Variants in CARHSP1 observed in about 807,000 individuals in gnomAD.
CARHSP1 encodes the protein calcium-regulated heat-stable protein 1.
Under a neutral mutation model 12.5 loss-of-function variants are expected in CARHSP1, and 14 were observed. That is an observed-to-expected ratio of 1.12 (90% CI 0.74 to 1.75). CARHSP1 has a LOEUF of 1.75. Among genes scored for constraint, CARHSP1 ranks in the 40% most tolerant of loss-of-function variants. The probability of loss-of-function intolerance (pLI) is 0.00; values close to 1 mark genes in which losing one functional copy is unlikely to be tolerated. For synonymous variants in CARHSP1, 161 were observed against 82.0 expected (o/e 1.96, Z -5.20); for missense variants, 343 against 201.6 (o/e 1.70, Z -4.25).
At chr16:8,858,522 A>G (rs749344778) in intron 2 of CARHSP1, 50 bp from the exon 3 acceptor site, 3 of 1,599,322 alleles carry the variant, frequency 1.9e-6, no homozygotes, top group African/African-American at 2.7e-5. Flanking sequence ...TCCTGGGCAC[A>G]CAAAGCTCAT....
At chr16:8,861,404 C>T (rs1040861034) in intron 1 of CARHSP1, among the ~76,000 whole-genome samples, 1 of 151,792 alleles carries the variant, frequency 6.6e-6, no homozygotes, top group Non-Finnish European at 1.5e-5. Flanking sequence ...TCACAACCTT[C>T]AACCTCAGTT....
At chr16:8,862,120 A>G (rs200823600) in intron 1 of CARHSP1, among the ~76,000 whole-genome samples, 2 of 149,260 alleles carry the variant, frequency 1.3e-5, no homozygotes, top group East Asian at 4.0e-4. Context: ...CTCCTGCCTC[A>G]GCCTCCCAAG....
At chr16:8,857,263 G>GTTTTTTTTTTTTTTTTT (rs756390920) in intron 3 of CARHSP1, among the ~76,000 whole-genome samples, 12 of 57,032 alleles carry the variant, frequency 2.1e-4, no homozygotes, top group East Asian at 8.9e-4. Flanking sequence ...GGGCAGATCT[G>GTTTTTTTTTTTTTTTTT]TTTTTTTTTT....
At chr16:8,860,020 C>T (rs1387420681) in intron 1 of CARHSP1, 2 of 411,102 alleles carry the variant, frequency 4.9e-6, no homozygotes, top group Non-Finnish European at 6.6e-6. Context: ...TGCCAACCAC[C>T]TAGATCCAAA....
chr16:8,864,174 C>G (rs1366018421), intron 1 of CARHSP1, among the ~76,000 whole-genome samples: 1 of 152,214 alleles, frequency 6.6e-6, no homozygotes, highest in Non-Finnish European at 1.5e-5. Context: ...TATGTGTGTG[C>G]TGTGTATATA....
chr16:8,858,334 C>T lies in CARHSP1; in HGVS notation c.281+16G>A, dbSNP rs1305518100. The T allele has an allele frequency of 1.2e-6, 2 of 1,612,006 alleles. No homozygotes were observed. Among genetic ancestry groups the T allele is most frequent in the South Asian group, 1.1e-5 (1 of 90,990 alleles). On this transcript the variant is annotated intron_variant, in intron 3 of 3. Transcript: ENST00000311052. ...GCCCACCCCAGCCAGGCCACCCAGA[C>T]CTGCCGCTGACTCACTCAGAGATGT...
rs753833662 is a variant in CARHSP1, at chr16:8,858,472, C to T, written c.159G>A (p.Ala53=). The change falls in exon 3 of 4, where the codon GCG becomes GCA. Residue 53 remains alanine (A), a splice_region_variant and synonymous_variant. Transcript: ENST00000311052. ...LPTRRTRTFS[A]TVRASQGPVY... Reference sequence around the variant, plus strand: ...CGGGGCCCTGTGAAGCCCGCACCGTCCTGACAGAGAGGGGGAAATGTCAGG... The same window carrying T: ...CGGGGCCCTGTGAAGCCCGCACCGTTCTGACAGAGAGGGGGAAATGTCAGG... The T allele has an allele frequency of 1.9e-6, 3 of 1,613,524 alleles. No homozygotes were observed. Among genetic ancestry groups the T allele is most frequent in the Admixed American group, 1.7e-5 (1 of 59,986 alleles).
chr16:8,856,979 C>G (rs1234348983), intron 3 of CARHSP1, among the ~76,000 whole-genome samples: 1 of 152,178 alleles, frequency 6.6e-6, no homozygotes, highest in Non-Finnish European at 1.5e-5. Flanking sequence ...CCACCCCAAA[C>G]TTCCTTCCTG....
intron 3 of CARHSP1, among the ~76,000 whole-genome samples, chr16:8,856,723 T>C (rs1170467550): frequency 1.3e-5 from 2 of 152,168 alleles, no homozygotes; most frequent in Non-Finnish European, 2.9e-5. Context: ...AGAGTAGGAC[T>C]CTGTCTGCCC....
chr16:8,857,263 G>GTTTTTTGTGTTTTTTT (rs1315960023), intron 3 of CARHSP1, among the ~76,000 whole-genome samples: 1 of 57,006 alleles, frequency 1.8e-5, no homozygotes, highest in Admixed American at 1.7e-4. Flanking sequence ...GGGCAGATCT[G>GTTTTTTGTGTTTTTTT]TTTTTTTTTT....
chr16:8,866,177 C>T (rs1333465230), intron 1 of CARHSP1, among the ~76,000 whole-genome samples: 1 of 152,156 alleles, frequency 6.6e-6, no homozygotes, highest in Non-Finnish European at 1.5e-5. Context: ...TGGTCTCGAC[C>T]TCCCAGGCTC....
chr16:8,855,329 A>G lies in CARHSP1; in HGVS notation c.282-3T>C, dbSNP rs1464581278. 18 of 1,564,450 alleles carry G rather than the reference A, an allele frequency of 1.2e-5. No individual in the cohort carries two copies. Among genetic ancestry groups the G allele is most frequent in the East Asian group, 9.4e-5 (4 of 42,394 alleles). On this transcript the variant is annotated splice_region_variant and splice_polypyrimidine_tract_variant and intron_variant, in intron 3 of 3. Transcript: ENST00000311052. The stretch of plus-strand genomic sequence containing the variant: ...CTGGGACATACTCCCCTTCCACACT[A>G]CGGGGGCATAAATAAAGCAGTCAGG...
chr16:8,866,681 G>C (rs2061461237), intron 1 of CARHSP1, among the ~76,000 whole-genome samples: 1 of 151,802 alleles, frequency 6.6e-6, no homozygotes, highest in Admixed American at 6.6e-5. Flanking sequence ...GGTCTGGCGA[G>C]GGAGGAGCAG....
intron 3 of CARHSP1, 170 bp downstream of exon 3, chr16:8,858,180 C>G (rs1285412264): frequency 1.3e-6 from 1 of 776,324 alleles, no homozygotes; most frequent in Non-Finnish European, 2.0e-6. Context: ...AACCCCAACC[C>G]AACACACACA....
At chr16:8,864,081 T>C (rs1312831455) in intron 1 of CARHSP1, among the ~76,000 whole-genome samples, 1 of 152,184 alleles carries the variant, frequency 6.6e-6, no homozygotes, top group African/African-American at 2.4e-5. Context: ...CGACCAAATG[T>C]CACGACCAAG....
At chr16:8,865,267 A>G (rs2061435793) in intron 1 of CARHSP1, among the ~76,000 whole-genome samples, 1 of 151,758 alleles carries the variant, frequency 6.6e-6, no homozygotes, top group Non-Finnish European at 1.5e-5. Flanking sequence ...GTACCACCAC[A>G]CCCAGCCAAT....
rs1567175394 is a variant in CARHSP1, at chr16:8,853,211, AG to A, written c.*1952del. The A allele has an allele frequency of 6.6e-6, 1 of 152,212 alleles. No homozygotes were observed. The highest frequency in any genetic ancestry group is 1.5e-5 in the Non-Finnish European group (1 of 68,060). The allele number at this position is 152,212 out of a possible 1,614,324, so 9.4% of individuals were successfully genotyped here. A position where few individuals can be genotyped will look rare whatever the true frequency, so the allele number is the denominator to read the frequency against. ...CGCTGACAAAGGATTCTGCCAAGACAGAATCCCAGGGTCACAGGAGAGAGGC... is the reference window on the plus strand; with the variant it reads ...CGCTGACAAAGGATTCTGCCAAGACAAATCCCAGGGTCACAGGAGAGAGGC... On this transcript the variant is annotated 3_prime_UTR_variant, in exon 4 of 4. Transcript: ENST00000311052.
At chr16:8,861,548 C>G in intron 1 of CARHSP1, 5 of 1,187,040 alleles carry the variant, frequency 4.2e-6, no homozygotes, top group Non-Finnish European at 5.6e-6. Context: ...AGGGATGCCC[C>G]ATCCCTGAAA....
chr16:8,861,675 C>A (rs551376155), intron 1 of CARHSP1: 1 of 1,289,086 alleles, frequency 7.8e-7, no homozygotes, highest in Admixed American at 2.3e-5. Flanking sequence ...CCTCCTGTCC[C>A]TTCTCTCAGC....
Sources: allele counts gnomAD v4.1 joint callset (sites outside exome capture counted in the v4.1 genomes callset), GRCh38; gene constraint gnomAD v4.1.1; transcripts MANE v1.5; gene names NCBI Gene and HGNC (gene_info 2026-07-23, HGNC 2026-07-21).